MAPK8: variants seen among roughly 807,000 people sequenced by gnomAD.
The protein encoded by MAPK8 is JUN N-terminal kinase.
Under a neutral mutation model 52.9 loss-of-function variants are expected in MAPK8, and 13 were observed. The ratio of observed to expected loss-of-function variants is 0.25; its 90% confidence interval spans 0.16 to 0.39. The LOEUF (loss-of-function observed/expected upper bound fraction) is 0.39, where lower values mean the gene tolerates loss of function less well. Ranked by LOEUF, MAPK8 falls within the 10% of genes least tolerant of loss-of-function variation. The pLI is 1.00. For synonymous variants in MAPK8, 191 were observed against 169.8 expected (o/e 1.12, Z -0.97); for missense variants, 300 against 519.2 (o/e 0.58, Z 4.10).
chr10:48,368,536 A>G (rs1848270866), intron 1 of MAPK8, among the ~76,000 whole-genome samples: 1 of 152,232 alleles, frequency 6.6e-6, no homozygotes, highest in Non-Finnish European at 1.5e-5. Context: ...GGCCAGGGCC[A>G]AATCATCCAG....
intron 10 of MAPK8, among the ~76,000 whole-genome samples, chr10:48,427,713 C>G (rs959573751): frequency 1.3e-5 from 2 of 152,150 alleles, no homozygotes; most frequent in South Asian, 2.1e-4. Context: ...AGGATGGTCT[C>G]GATCTCCTGA....
At chr10:48,420,430 C>A in intron 6 of MAPK8, 110 bp downstream of exon 6, 1 of 1,052,112 alleles carries the variant, frequency 9.5e-7, no homozygotes, top group Non-Finnish European at 1.3e-6. Context: ...AAATGTGTAT[C>A]ATTGTTTGAA....
chr10:48,375,421 A>G (rs575280930), intron 1 of MAPK8, among the ~76,000 whole-genome samples: 2 of 152,348 alleles, frequency 1.3e-5, no homozygotes, highest in South Asian at 4.1e-4. Context: ...AATAAAGGGT[A>G]TTCAGTTAGG....
intron 1 of MAPK8, among the ~76,000 whole-genome samples, chr10:48,347,011 G>T (rs1360033810): frequency 6.6e-6 from 1 of 152,130 alleles, no homozygotes; most frequent in Non-Finnish European, 1.5e-5. Flanking sequence ...GCCACTACCG[G>T]TCTCCGCGCA....
At chr10:48,343,453 C>G (rs749523402) in intron 1 of MAPK8, among the ~76,000 whole-genome samples, 1 of 152,194 alleles carries the variant, frequency 6.6e-6, no homozygotes, top group Non-Finnish European at 1.5e-5. Context: ...TTAATGACAT[C>G]TGCCAAAATT....
At position 48,420,262 on chromosome 10, in the gene MAPK8, A is replaced by G. The variant is rs1056510665; in HGVS notation, c.558A>G (p.Val186=). 3.1e-6 allele frequency: 5 copies of G among 1,613,890 alleles called. No homozygotes were observed. The African/African-American group carries it at 5.3e-5, about 17-fold the overall frequency. The change falls in exon 6 of 12, where the codon GTA becomes GTG. Residue 186 remains valine, a synonymous_variant. Coordinates refer to ENST00000374189, the MANE Select transcript of MAPK8 (RefSeq NM_001323329.2). ...CGAGTTTTATGATGACGCCTTATGT[A>G]GTGACTCGCTACTACAGAGCACCCG... is the stretch of plus-strand genomic sequence containing the variant. ...AGTSFMMTPY[V]VTRYYRAPEV... is the part of the protein sequence containing the mutation.
At chr10:48,347,109 C>T (rs1426720122) in intron 1 of MAPK8, among the ~76,000 whole-genome samples, 1 of 152,108 alleles carries the variant, frequency 6.6e-6, no homozygotes, top group Non-Finnish European at 1.5e-5. Context: ...CGTTGCCGCA[C>T]ACAGGGAGGG....
At chr10:48,316,684 T>C (rs1165699760) in intron 1 of MAPK8, among the ~76,000 whole-genome samples, 2 of 152,200 alleles carry the variant, frequency 1.3e-5, no homozygotes, top group African/African-American at 4.8e-5. Context: ...GTGAGTTTGA[T>C]TTGGCAACTG....
chr10:48,324,069 T>G (rs766409374), intron 1 of MAPK8, among the ~76,000 whole-genome samples: 4 of 152,226 alleles, frequency 2.6e-5, no homozygotes, highest in East Asian at 1.9e-4. Flanking sequence ...TGAAAGAATA[T>G]TACGGTAAAC....
Position 48,427,129 on chromosome 10 carries a change from T to C in MAPK8, c.1046T>C (p.Ile349Thr), listed in dbSNP as rs1390438534. ...DKQLDEREHT[I>T]EEWKELIYKE... The stretch of plus-strand genomic sequence containing the variant: ...CAGTTAGATGAAAGGGAACACACAA[T>C]AGAAGAGTGGAAAGGTACATTCGTC... Residue 349 changes from isoleucine to threonine, a missense_variant, in exon 10 of 12, where the codon ATA becomes ACA. Transcript: ENST00000374189. 1.9e-6 allele frequency: 3 copies of C among 1,612,572 alleles called. No individual in the cohort carries two copies. The highest frequency in any genetic ancestry group is 1.7e-5 in the Admixed American group (1 of 59,984).
At chr10:48,316,188 G>C (rs574017382) in intron 1 of MAPK8, among the ~76,000 whole-genome samples, 2 of 152,340 alleles carry the variant, frequency 1.3e-5, no homozygotes, top group South Asian at 2.1e-4. Context: ...GACCACATAT[G>C]TGACAGTGGT....
At position 48,426,430 on chromosome 10, in the gene MAPK8, A is replaced by G. The variant is rs1320670600; in HGVS notation, c.922A>G (p.Lys308Glu). 1.2e-6 allele frequency: 2 copies of G among 1,611,800 alleles called. No homozygotes were observed. The highest frequency in any genetic ancestry group is 1.7e-6 in the Non-Finnish European group (2 of 1,178,884). The part of the protein sequence containing the change: ...LSKMLVIDAS[K>E]RISVDEALQH... Reference sequence around the variant, plus strand: ...CAAAATGCTGGTAATAGATGCATCTAAAAGGATCTCTGTAGATGAAGCTCT... The same window carrying G: ...CAAAATGCTGGTAATAGATGCATCTGAAAGGATCTCTGTAGATGAAGCTCT... The change falls in exon 9 of 12, where the codon AAA becomes GAA. Residue 308 changes from lysine (K) to glutamate (E), a missense_variant. Around this residue, in one of 3 missense-constraint regions of MAPK8, gnomAD observed 119 missense variants for 154.4 expected, o/e 0.77. Transcript: ENST00000374189.
At chr10:48,351,025 A>T (rs1846270453) in intron 1 of MAPK8, among the ~76,000 whole-genome samples, 1 of 152,344 alleles carries the variant, frequency 6.6e-6, no homozygotes, top group East Asian at 1.9e-4. Context: ...CAATTGGTAC[A>T]AAGAGAATAA....
intron 1 of MAPK8, among the ~76,000 whole-genome samples, chr10:48,391,480 T>G (rs1481732910): frequency 6.6e-6 from 1 of 152,166 alleles, no homozygotes; most frequent in Non-Finnish European, 1.5e-5. Flanking sequence ...AAATGCATCC[T>G]CTATAAATCT....
chr10:48,420,313 G>T lies in MAPK8; in HGVS notation c.609G>T (p.Lys203Asn). 6.2e-7 allele frequency: 1 copy of T among 1,605,178 alleles called. No individual in the cohort carries two copies. Among genetic ancestry groups the T allele is most frequent in the Non-Finnish European group, 8.5e-7 (1 of 1,174,766 alleles). Residue 203 changes from lysine (K) to asparagine (N), a missense_variant, in exon 6 of 12, where the codon AAG (lysine) becomes AAT (asparagine). Lys to Asn is a moderately conservative substitution (Grantham distance 94). Around this residue, in one of 3 missense-constraint regions of MAPK8, gnomAD observed 147 missense variants for 328.1 expected, o/e 0.45. Coordinates refer to ENST00000374189, the MANE Select transcript of MAPK8 (RefSeq NM_001323329.2). The stretch of plus-strand genomic sequence containing the variant: ...AGGTCATCCTTGGCATGGGCTACAA[G>T]GAAAACGGTCAGCACACACATTTAT... The part of the protein sequence containing the change: ...APEVILGMGY[K>N]ENVDLWSVGC...
chr10:48,367,839 G>A (rs979697306), intron 1 of MAPK8, among the ~76,000 whole-genome samples: 2 of 152,150 alleles, frequency 1.3e-5, no homozygotes. Flanking sequence ...AGTGGAAAAG[G>A]GCATTTCACA....
chr10:48,326,837 C>T (rs568090409), intron 1 of MAPK8, among the ~76,000 whole-genome samples: 141 of 152,266 alleles, frequency 9.3e-4, no homozygotes, highest in African/African-American at 3.4e-3. Flanking sequence ...CCAGCACACA[C>T]CATTTATTTA....
intron 5 of MAPK8, among the ~76,000 whole-genome samples, chr10:48,417,773 T>C (rs2043142582): frequency 6.6e-6 from 1 of 152,206 alleles, no homozygotes; most frequent in South Asian, 2.1e-4. Flanking sequence ...CCATACTTTC[T>C]TCCAGGGGTC....
Position 48,426,481 on chromosome 10 carries a change from T to C in MAPK8, c.973T>C (p.Tyr325His). Residue 325 changes from tyrosine (Y) to histidine (H), a missense_variant, in exon 9 of 12, where the codon TAT becomes CAT. Transcript: ENST00000374189. ...ALQHPYINVW[Y>H]DPSEAEAPPP... ...CCAACACCCGTACATCAATGTCTGGTATGATCCTTCTGAAGCAGAAGCTGT... is the reference window on the plus strand; with the variant it reads ...CCAACACCCGTACATCAATGTCTGGCATGATCCTTCTGAAGCAGAAGCTGT... 3 of 1,611,524 alleles carry C rather than the reference T, an allele frequency of 1.9e-6. No individual in the cohort carries two copies. Among genetic ancestry groups the C allele is most frequent in the Non-Finnish European group, 2.5e-6 (3 of 1,179,108 alleles).
Sources: gnomAD v4.1 joint callset for allele counts (sites outside exome capture counted in the v4.1 genomes callset) on GRCh38, gnomAD v4.1.1 for gene constraint, gnomAD v4.1.1 regional missense constraint, MANE v1.5 for transcripts, NCBI Gene and HGNC (gene_info 2026-07-23, HGNC 2026-07-21) for gene names.